The following RAPGEF2 variants were observed in gnomAD, a reference collection of about 807,000 sequenced individuals.
RAPGEF2 encodes the protein Rap guanine nucleotide exchange factor 2.
In RAPGEF2, 54 loss-of-function variants were observed where a neutral mutation model predicts 186.7. The ratio of observed to expected loss-of-function variants is 0.29; its 90% CI spans 0.23 to 0.36. The LOEUF (loss-of-function observed/expected upper bound fraction) is 0.36. RAPGEF2 is among the 10% of genes least tolerant of loss of function. The pLI, the probability that RAPGEF2 is intolerant of heterozygous loss-of-function variation, is 1.00. For synonymous variants in RAPGEF2, 712 were observed against 705.9 expected (o/e 1.01, Z -0.14); for missense variants, 1,532 against 2,045.0 (o/e 0.75, Z 4.84).
chr4:159,319,581 C>T (rs1352451742), intron 9 of RAPGEF2, among the ~76,000 whole-genome samples: 3 of 151,932 alleles, frequency 2.0e-5, no homozygotes, highest in African/African-American at 7.3e-5. Flanking sequence ...TAGAAATTAT[C>T]TAAAAACCAG....
chr4:159,173,747 G>A (rs769286994), intron 1 of RAPGEF2, among the ~76,000 whole-genome samples: 47 of 152,086 alleles, frequency 3.1e-4, no homozygotes, highest in African/African-American at 9.2e-4. Context: ...GTGTGTATAC[G>A]CAGCTGATTT....
intron 11 of RAPGEF2, among the ~76,000 whole-genome samples, chr4:159,325,807 T>C (rs1267156312): frequency 2.6e-5 from 4 of 152,144 alleles, no homozygotes; most frequent in African/African-American, 9.7e-5. Flanking sequence ...CTGGGAGTTC[T>C]GGAAAAGGAA....
intron 7 of RAPGEF2, among the ~76,000 whole-genome samples, chr4:159,283,761 A>G (rs1399544120): frequency 6.6e-6 from 1 of 152,150 alleles, no homozygotes; most frequent in Non-Finnish European, 1.5e-5. Flanking sequence ...AAGCCAGGAC[A>G]TTTTTTTAAA....
chr4:159,173,402 C>A (rs1746122813), intron 1 of RAPGEF2, among the ~76,000 whole-genome samples: 1 of 152,014 alleles, frequency 6.6e-6, no homozygotes, highest in East Asian at 1.9e-4. Flanking sequence ...TTGATAGTGC[C>A]TCTGGAATTA....
At position 159,332,602 on chromosome 4, in the gene RAPGEF2, C is replaced by T. The variant is rs540985465; in HGVS notation, c.2040C>T (p.Asn680=). Residue 680 remains asparagine (N), a synonymous_variant, in exon 17 of 30, where the codon AAC becomes AAT. Transcript: ENST00000691494. Reference sequence around the variant, plus strand: ...AGGTGATAGGACTTGAAAAAGTGAACAAAAAAAGTAAAGCCAACACTGTGG... The same window carrying T: ...AGGTGATAGGACTTGAAAAAGTGAATAAAAAAAGTAAAGCCAACACTGTGG... ...VEQVIGLEKV[N]KKSKANTVGG... 6.2e-6 allele frequency: 10 copies of T among 1,613,862 alleles called. No homozygotes were observed. In the South Asian group the frequency reaches 8.8e-5, roughly 14 times the overall value.
rs781501517 is a variant in RAPGEF2, at chr4:159,355,727, C to T, written c.4652-126C>T. On this transcript the variant is annotated intron_variant, in intron 28 of 29. Coordinates refer to ENST00000691494, the MANE Select transcript of RAPGEF2 (RefSeq NM_001394067.2). ...GCCTGCCTCACACCGCACCTCTAAC[C>T]GATACCATGCAAATGCACATCTGCT... 24 of 913,530 alleles carry T rather than the reference C, an allele frequency of 2.6e-5. No homozygotes were observed. In the African/African-American group the frequency reaches 3.4e-4, roughly 13 times the overall value. 56.6% of individuals were successfully genotyped at this position (913,530 alleles called of 1,614,324 possible). A position where few individuals can be genotyped will look rare whatever the true frequency, so the allele number is the denominator to read the frequency against.
At position 159,201,719 on chromosome 4, in the gene RAPGEF2, C is replaced by T. The variant is rs116871882; in HGVS notation, c.197+8463C>T. ...ATAGGCTGTGAAGAGGGAGAAGCTT[C>T]GGAAGTTGTCCCTTTATCTTTTGGT... On this transcript the variant is annotated intron_variant, in intron 3 of 29. Transcript: ENST00000691494. Among the ~76,000 whole-genome samples, 46 of 152,260 alleles carry T rather than the reference C, an allele frequency of 3.0e-4. No individual in the cohort carries two copies. The East Asian group carries it at 4.8e-3, about 16-fold the overall frequency.
intron 7 of RAPGEF2, among the ~76,000 whole-genome samples, chr4:159,272,089 G>T (rs115687644): frequency 1.4e-4 from 21 of 152,066 alleles, no homozygotes; most frequent in Admixed American, 2.6e-4. Flanking sequence ...TGTTCTACCA[G>T]AAGTCCTGAA....
chr4:159,271,472 C>A (rs901818248), intron 7 of RAPGEF2, among the ~76,000 whole-genome samples: 2 of 152,090 alleles, frequency 1.3e-5, no homozygotes, highest in African/African-American at 2.4e-5. Context: ...TATTGCATAG[C>A]AGACACTATA....
At chr4:159,104,273 C>T (rs1220085470) in intron 1 of RAPGEF2, 42 bp downstream of exon 1, 17 of 1,123,890 alleles carry the variant, frequency 1.5e-5, no homozygotes, top group Admixed American at 2.8e-5. Context: ...GGATTTCTGC[C>T]TCGCAGGCTG....
intron 3 of RAPGEF2, among the ~76,000 whole-genome samples, chr4:159,202,709 C>T (rs961072369): frequency 3.9e-5 from 6 of 152,174 alleles, no homozygotes; most frequent in African/African-American, 1.2e-4. Context: ...TCAAGCGATT[C>T]TCTTGCCTCA....
At chr4:159,164,533 ATTATTAG>A (rs1211184509) in intron 1 of RAPGEF2, among the ~76,000 whole-genome samples, 7 of 152,210 alleles carry the variant, frequency 4.6e-5, no homozygotes, top group South Asian at 4.1e-4. Context: ...CCTTTTGGTG[ATTATTAG>A]ATATAAATTA....
intron 19 of RAPGEF2, 85 bp from the exon 20 acceptor site, chr4:159,341,479 C>T (rs1729465769): frequency 4.3e-6 from 6 of 1,381,886 alleles, no homozygotes; most frequent in Non-Finnish European, 4.9e-6. Flanking sequence ...CTCAAACTTT[C>T]CATAAAAAGT....
chr4:159,299,861 G>A (rs894609444), intron 7 of RAPGEF2, among the ~76,000 whole-genome samples: 27 of 151,432 alleles, frequency 1.8e-4, no homozygotes, highest in African/African-American at 6.5e-4. Flanking sequence ...AATTATGGTA[G>A]CATCTGTTTG....
intron 3 of RAPGEF2, among the ~76,000 whole-genome samples, chr4:159,207,926 C>T (rs965368464): frequency 3.3e-5 from 5 of 152,138 alleles, no homozygotes; most frequent in African/African-American, 7.2e-5. Flanking sequence ...ACAAACCAAA[C>T]GAATGATTGC....
chr4:159,312,374 A>G (rs1273880998), intron 8 of RAPGEF2, among the ~76,000 whole-genome samples: 1 of 152,180 alleles, frequency 6.6e-6, no homozygotes. Flanking sequence ...CATAGCAAGC[A>G]TTAGCAAATT....
chr4:159,123,770 G>A (rs1195366741), intron 1 of RAPGEF2, among the ~76,000 whole-genome samples: 2 of 151,684 alleles, frequency 1.3e-5, no homozygotes, highest in African/African-American at 2.4e-5. Context: ...TACCTGCCTC[G>A]ACCTCCCAAA....
chr4:159,298,996 C>A (rs1332700138), intron 7 of RAPGEF2, among the ~76,000 whole-genome samples: 2 of 151,934 alleles, frequency 1.3e-5, no homozygotes, highest in Non-Finnish European at 2.9e-5. Flanking sequence ...TTTACAAATA[C>A]CTCAGAGAAA....
At position 159,360,154 on chromosome 4, in the gene RAPGEF2, T is replaced by C. The variant is rs187451775; in HGVS notation, c.*2015T>C. 2.6e-5 allele frequency: 4 copies of C among 152,302 alleles called. No homozygotes were observed. Among genetic ancestry groups the C allele is most frequent in the African/African-American group, 9.6e-5 (4 of 41,556 alleles). The allele number at this position is 152,302 out of a possible 1,614,324, so 9.4% of individuals were successfully genotyped here. A position where few individuals can be genotyped will look rare whatever the true frequency, so the allele number is the denominator to read the frequency against. On this transcript the variant is annotated 3_prime_UTR_variant, in exon 30 of 30. Coordinates refer to ENST00000691494, the MANE Select transcript of RAPGEF2 (RefSeq NM_001394067.2). ...AAATAAATAAATATAACATAAAGCC[T>C]TGCCTATATTCTTAATGAATCATGC...
Sources: gnomAD v4.1 joint callset for allele counts (sites outside exome capture counted in the v4.1 genomes callset) on GRCh38, gnomAD v4.1.1 for gene constraint, MANE v1.5 for transcripts, NCBI Gene and HGNC (gene_info 2026-07-23, HGNC 2026-07-21) for gene names.